The following MACF1 variants were observed in gnomAD, a reference collection of about 807,000 sequenced individuals.
MACF1 encodes the protein microtubule-actin cross-linking factor 1.
Under a neutral mutation model 854.8 loss-of-function variants are expected in MACF1, and 193 were observed. That is an observed-to-expected ratio of 0.23 (90% CI 0.20 to 0.25). MACF1 has a LOEUF of 0.25. Ranked by LOEUF, MACF1 falls within the 10% of genes least tolerant of loss-of-function variation. MACF1 has a pLI of 1.00. For missense variants in MACF1, 7,722 were observed against 8,929.1 expected, an observed-to-expected ratio of 0.86 and a Z score of 5.45; for synonymous variants, 3,185 against 3,226.7, an observed-to-expected ratio of 0.99 and a Z score of 0.44.
intron 60 of MACF1, 49 bp downstream of exon 60, chr1:39,422,949 T>A: frequency 6.5e-7 from 1 of 1,537,088 alleles, no homozygotes; most frequent in Non-Finnish European, 9.0e-7. Context: ...TAGGGAGTAG[T>A]AGACAACACA....
rs148666575 is a variant in MACF1 at position 39,422,513 on chromosome 1, G to A, written c.15956G>A (p.Arg5319Gln). Residue 5319 changes from arginine (R) to glutamine (Q), a missense_variant, in exon 59 of 101, where the codon CGA becomes CAA. Arg to Gln is a conservative substitution (Grantham distance 43, BLOSUM62 1). This residue lies in a region of MACF1 where 2,807 missense variants were observed against 3,235.8 expected (regional missense o/e 0.87). Coordinates refer to ENST00000564288, the MANE Select transcript of MACF1 (RefSeq NM_001394062.1). Reference sequence around the variant, plus strand: ...CATGACATGGAAGAGATCAATGCTCGATGGAATACATTGAATAAAAAGGTG... The same window carrying A: ...CATGACATGGAAGAGATCAATGCTCAATGGAATACATTGAATAAAAAGGTG... ...LEHDMEEINARWNTLNKKVAQ... is the reference protein window; with the variant it reads ...LEHDMEEINAQWNTLNKKVAQ... The A allele has an allele frequency of 4.7e-5, 76 of 1,612,582 alleles. No individual in the cohort carries two copies. Among genetic ancestry groups the A allele is most frequent in the Admixed American group, 2.2e-4 (13 of 59,870 alleles).
intron 1 of MACF1, among the ~76,000 whole-genome samples, chr1:39,217,960 G>T (rs1644597983): frequency 6.6e-6 from 1 of 151,912 alleles, no homozygotes; most frequent in Non-Finnish European, 1.5e-5. Flanking sequence ...GAGGCGGGCG[G>T]ATCACGAGGT....
intron 4 of MACF1, 122 bp downstream of exon 4, chr1:39,252,063 A>C (rs1158622063): frequency 7.2e-6 from 4 of 552,088 alleles, no homozygotes; most frequent in Non-Finnish European, 1.1e-5. Flanking sequence ...TCTCATTTCA[A>C]CTGGGAATTT....
chr1:39,100,848 C>T (rs566194364), intron 2 of MACF1, among the ~76,000 whole-genome samples: 10 of 150,742 alleles, frequency 6.6e-5, no homozygotes, highest in East Asian at 2.0e-4. Context: ...AGTGAGACTC[C>T]GTTGCAAATA....
In MACF1 at chr1:39,347,099, G is replaced by A; in HGVS notation, c.10704G>A (p.Arg3568=). 1.9e-6 allele frequency: 3 copies of A among 1,614,104 alleles called. No individual in the cohort carries two copies. The East Asian group carries it at 6.7e-5, about 36-fold the overall frequency. ...LSPQQNRQML[R]LLNELQRSFQ... ...CTCAGCAGAATCGACAGATGCTGAGGCTTCTGAATGAACTGCAGAGGTCCT... is the reference window on the plus strand; with the variant it reads ...CTCAGCAGAATCGACAGATGCTGAGACTTCTGAATGAACTGCAGAGGTCCT... Residue 3568 remains arginine, a synonymous_variant, in exon 41 of 101, where the codon AGG becomes AGA. Coordinates refer to ENST00000564288, the MANE Select transcript of MACF1 (RefSeq NM_001394062.1).
chr1:39,442,666 G>A (rs1212329143), intron 77 of MACF1, 48 bp from the exon 78 acceptor site: 9 of 1,610,670 alleles, frequency 5.6e-6, no homozygotes, highest in Middle Eastern at 3.4e-4. Context: ...AGAGAACCAA[G>A]TTAGATGATA....
rs1413729240 is a variant in MACF1 at position 39,105,804 on chromosome 1, G to C, written c.220+21366G>C. ...CGGTCGGCTCGGCGGCTGCAGGTGG[G>C]GCGGCCGGGCGGGGTCGCACCCACC... On this transcript the variant is annotated intron_variant, in intron 2 of 93. Transcript: ENST00000361689. This position sits in a 1 kb window ranked among gnomAD's most constrained non-coding sequence, Gnocchi z 5.9. The C allele has an allele frequency of 7.2e-6, 7 of 972,774 alleles. No homozygotes were observed. The highest frequency in any genetic ancestry group is 8.6e-6 in the Non-Finnish European group (7 of 816,454). 60.3% of individuals were successfully genotyped at this position (972,774 alleles called of 1,614,324 possible).
At chr1:39,264,738 A>G (rs977589953) in intron 6 of MACF1, among the ~76,000 whole-genome samples, 3 of 145,696 alleles carry the variant, frequency 2.1e-5, no homozygotes, top group Admixed American at 7.1e-5. Flanking sequence ...CAGTGGCACA[A>G]TCTCGGCTCA....
At chr1:39,300,415 G>A (rs1416071494) in intron 22 of MACF1, 53 bp downstream of exon 22, 2 of 1,536,438 alleles carry the variant, frequency 1.3e-6, no homozygotes, top group Non-Finnish European at 8.8e-7. Flanking sequence ...AAGAAAGAAG[G>A]GAAGCCTTCA....
intron 90 of MACF1, chr1:39,458,761 T>C (rs1036168332): frequency 5.5e-5 from 28 of 512,018 alleles, no homozygotes; most frequent in Admixed American, 2.8e-4. Flanking sequence ...CAGCCCTAGC[T>C]GTTTACATTT....
intron 55 of MACF1, among the ~76,000 whole-genome samples, chr1:39,380,912 CA>C (rs1227742302): frequency 6.7e-6 from 1 of 149,082 alleles, no homozygotes; most frequent in Non-Finnish European, 1.5e-5. Flanking sequence ...ACCTTGTCTC[CA>C]AAAAAAACGT....
chr1:39,234,166 T>A (rs898141609), intron 2 of MACF1, among the ~76,000 whole-genome samples: 2 of 151,382 alleles, frequency 1.3e-5, no homozygotes, highest in African/African-American at 4.9e-5. Context: ...CAGAACAAAA[T>A]GAAAAGTCTC....
chr1:39,354,491 A>G (rs923902583), intron 44 of MACF1, among the ~76,000 whole-genome samples: 8 of 152,166 alleles, frequency 5.3e-5, no homozygotes, highest in South Asian at 2.1e-4. Context: ...CGCAACCTCC[A>G]TCTCCTGGAG....
rs752683469 is a variant in MACF1 at position 39,310,401 on chromosome 1, C to A, written c.3073C>A (p.Gln1025Lys). The A allele has an allele frequency of 6.2e-7, 1 of 1,614,102 alleles. No homozygotes were observed. Among genetic ancestry groups the A allele is most frequent in the Non-Finnish European group, 8.5e-7 (1 of 1,180,000 alleles). Residue 1025 changes from glutamine to lysine, a missense_variant, in exon 25 of 101, where the codon CAG (glutamine) becomes AAG (lysine). Physicochemically the swap from Gln to Lys is moderately conservative, Grantham distance 53. Coordinates refer to ENST00000564288, the MANE Select transcript of MACF1 (RefSeq NM_001394062.1). ...GGTGGAAGCTTGTAAAGCCCGCTTC[C>A]AGCACCTGATGAAGTCCATGGAGAA... Reference protein sequence around the residue: ...EEVEACKARFQHLMKSMENED... With the variant: ...EEVEACKARFKHLMKSMENED...
Position 39,368,421 on chromosome 1 carries a change from A to G in MACF1, c.12938+107A>G, listed in dbSNP as rs143280314. Reference sequence around the variant, plus strand: ...CTTTACCAGAACAGATGGCATCTAAAATTCTACTACTGAGTTGTAGGAGGG... The same window carrying G: ...CTTTACCAGAACAGATGGCATCTAAGATTCTACTACTGAGTTGTAGGAGGG... On this transcript the variant is annotated intron_variant, in intron 50 of 100. Transcript: ENST00000564288. The G allele has an allele frequency of 1.8e-5, 21 of 1,160,846 alleles. No homozygotes were observed. In the African/African-American group the frequency reaches 2.8e-4, roughly 15 times the overall value. The allele number at this position is 1,160,846 out of a possible 1,614,324, so 71.9% of individuals were successfully genotyped here.
In MACF1 at chr1:39,283,457, C is replaced by G; in HGVS notation, c.857C>G (p.Ser286Cys). 6.2e-7 allele frequency: 1 copy of G among 1,613,098 alleles called. No homozygotes were observed. The highest frequency in any genetic ancestry group is 8.5e-7 in the Non-Finnish European group (1 of 1,179,080). ...GAAAAGTCTGTAATCACTTATGTGTCTTCGATTTATGATGCCTTCCCTAAA... is the reference window on the plus strand; with the variant it reads ...GAAAAGTCTGTAATCACTTATGTGTGTTCGATTTATGATGCCTTCCCTAAA... ...PDEKSVITYV[S>C]SIYDAFPKVP... The change falls in exon 9 of 101, where the codon TCT becomes TGT. Residue 286 changes from serine (S) to cysteine (C), a missense_variant. Transcript: ENST00000564288. This position sits in a 1 kb window ranked among gnomAD's most constrained non-coding sequence, Gnocchi z 4.5.
At chr1:39,119,486 C>G (rs2148155191) in intron 2 of MACF1, among the ~76,000 whole-genome samples, 1 of 152,188 alleles carries the variant, frequency 6.6e-6, no homozygotes, top group East Asian at 1.9e-4. Context: ...GTATTGTGAT[C>G]TCTTTGAAGG....
intron 58 of MACF1, among the ~76,000 whole-genome samples, chr1:39,415,641 G>A (rs1406511234): frequency 4.0e-5 from 6 of 151,642 alleles, no homozygotes; most frequent in East Asian, 1.9e-4. Flanking sequence ...GATTACAGGC[G>A]TGAGCCACCG....
At chr1:39,482,333 G>A (rs780908348) in intron 99 of MACF1, among the ~76,000 whole-genome samples, 9 of 152,182 alleles carry the variant, frequency 5.9e-5, no homozygotes, top group Non-Finnish European at 1.3e-4. Context: ...ACTTTCTATC[G>A]CTTATGCTTT....
Sources: gnomAD v4.1 joint callset for allele counts (sites outside exome capture counted in the v4.1 genomes callset) on GRCh38, gnomAD v4.1.1 for gene constraint, gnomAD v4.1.1 regional missense constraint, Gnocchi (gnomAD v3.1) non-coding constraint, MANE v1.5 for transcripts, NCBI Gene and HGNC (gene_info 2026-07-23, HGNC 2026-07-21) for gene names.